Variants in SLAMF9 observed in about 807,000 individuals in gnomAD.
SLAMF9 encodes the protein CD2 family member 10.
Under a neutral mutation model 30.4 loss-of-function variants are expected in SLAMF9, and 25 were observed. The observed-to-expected ratio is 0.82, with a 90% CI of 0.60 to 1.15. The LOEUF is 1.15. Ranked by LOEUF, SLAMF9 falls within the 50% of genes most tolerant of loss-of-function variation. The probability of loss-of-function intolerance (pLI) is 0.00; values close to 1 mark genes in which losing one functional copy is unlikely to be tolerated. For missense variants in SLAMF9, 344 were observed against 346.1 expected (o/e 0.99, Z 0.05); for synonymous variants, 129 against 127.2 (o/e 1.01, Z -0.09).
the SLAMF9 span, among the ~76,000 whole-genome samples, chr1:159,982,756 C>T: frequency 3.3e-5 from 5 of 152,146 alleles, no homozygotes; most frequent in African/African-American, 7.2e-5. Flanking sequence ...CATGGCTGGG[C>T]GCGGTGGCTC....
At chr1:159,972,851 C>T in the SLAMF9 span, 1 of 955,546 alleles carries the variant, frequency 1.0e-6, no homozygotes, top group Non-Finnish European at 1.4e-6. Flanking sequence ...CTGGGACACA[C>T]ATGGGATGGG....
the SLAMF9 span, chr1:159,972,741 G>T: frequency 5.6e-6 from 2 of 358,668 alleles, no homozygotes; most frequent in South Asian, 8.9e-5. Flanking sequence ...CAGGATTGGA[G>T]GGGAGCCCCT....
At chr1:159,956,239 G>A (rs950879521), upstream of SLAMF9, among the ~76,000 whole-genome samples, 1 of 152,216 alleles carries the variant, frequency 6.6e-6, no homozygotes, top group Admixed American at 6.5e-5. Flanking sequence ...GCCAAGGCAG[G>A]AAGATCCCTT....
At chr1:159,972,701 C>T in the SLAMF9 span, 5 of 222,604 alleles carry the variant, frequency 2.2e-5, no homozygotes, top group East Asian at 1.9e-4. Flanking sequence ...GACAGATACC[C>T]AAGATCTCTC....
the SLAMF9 span, among the ~76,000 whole-genome samples, chr1:159,962,371 G>A: frequency 2.0e-5 from 3 of 152,206 alleles, no homozygotes; most frequent in South Asian, 2.1e-4. Flanking sequence ...GGCCCGGGGC[G>A]GCGGTTCACG....
Position 159,951,612 on chromosome 1 carries a change from TG to T in SLAMF9, c.*48del. On this transcript the variant is annotated 3_prime_UTR_variant, in exon 4 of 4. Transcript: ENST00000368093. The stretch of plus-strand genomic sequence containing the variant: ...AGAAGAGAGCTGAGGAAGGATTCTC[TG>T]GGTGCTGGGAAGAAACCAAGCTCAG... 3 of 1,566,348 alleles carry T rather than the reference TG, an allele frequency of 1.9e-6. No individual in the cohort carries two copies. The highest frequency in any genetic ancestry group is 1.8e-6 in the Non-Finnish European group (2 of 1,140,166).
chr1:159,969,983 A>AG, the SLAMF9 span, among the ~76,000 whole-genome samples: 4 of 152,076 alleles, frequency 2.6e-5, no homozygotes, highest in East Asian at 7.7e-4. Context: ...CCGGGGGTGA[A>AG]GGGGGAGTGG....
At chr1:159,979,023 C>T in the SLAMF9 span, 1 of 152,284 alleles carries the variant, frequency 6.6e-6, no homozygotes, top group East Asian at 1.9e-4. Flanking sequence ...TTATGAGGCA[C>T]TAAATTAGCT....
the SLAMF9 span, chr1:159,973,155 A>G: frequency 4.6e-6 from 7 of 1,532,804 alleles, no homozygotes; most frequent in Admixed American, 1.7e-5. Context: ...ATCCTTGTGG[A>G]AGGAGAAAAG....
chr1:159,967,704 A>T, the SLAMF9 span, among the ~76,000 whole-genome samples: 2 of 152,192 alleles, frequency 1.3e-5, no homozygotes, highest in East Asian at 3.8e-4. Flanking sequence ...TATGGACATT[A>T]TAACAGTATT....
At chr1:159,975,613 G>A in the SLAMF9 span, among the ~76,000 whole-genome samples, 3 of 152,056 alleles carry the variant, frequency 2.0e-5, no homozygotes, top group Non-Finnish European at 4.4e-5. Flanking sequence ...ACTTGCATTC[G>A]AGATCTGATG....
Position 159,954,123 on chromosome 1 carries a change from A to C in SLAMF9, c.15T>G (p.Pro5=). The C allele has an allele frequency of 6.2e-7, 1 of 1,614,142 alleles. No individual in the cohort carries two copies. Among genetic ancestry groups the C allele is most frequent in the Non-Finnish European group, 8.5e-7 (1 of 1,180,008 alleles). Residue 5 remains proline (P), a synonymous_variant, in exon 1 of 4, where the codon CCT becomes CCG. Transcript: ENST00000368093. MCAF[P]WLLLLLLLQE... The stretch of plus-strand genomic sequence containing the variant: ...GGAGCAGCAGGAGAAGAAGCAGCCA[A>C]GGAAAGGCACACATGTCAGCAGCCC...
At chr1:159,954,800 C>A (rs985957459), upstream of SLAMF9, among the ~76,000 whole-genome samples, 3 of 152,140 alleles carry the variant, frequency 2.0e-5, no homozygotes, top group Non-Finnish European at 4.4e-5. Context: ...GCAGTTTGGC[C>A]GGGTGCAATG....
rs1557943691 is a variant in SLAMF9, at chr1:159,954,147, C to T, written c.-10G>A. On this transcript the variant is annotated 5_prime_UTR_variant, in exon 1 of 4. Coordinates refer to ENST00000368093, the MANE Select transcript of SLAMF9 (RefSeq NM_033438.4). ...AAGGAAAGGCACACATGTCAGCAGC[C>T]CCCAGCCCCAGAGGTGTGATTCAGT... 6.2e-7 allele frequency: 1 copy of T among 1,614,072 alleles called. No homozygotes were observed. The highest frequency in any genetic ancestry group is 8.5e-7 in the Non-Finnish European group (1 of 1,179,992).
the SLAMF9 span, chr1:159,973,871 G>A: frequency 1.9e-6 from 3 of 1,612,976 alleles, no homozygotes; most frequent in South Asian, 1.1e-5. Context: ...GCCCAGTGCA[G>A]CTGTACTGGC....
chr1:159,975,281 G>A, the SLAMF9 span, among the ~76,000 whole-genome samples: 1 of 152,212 alleles, frequency 6.6e-6, no homozygotes, highest in South Asian at 2.1e-4. Context: ...AAGTGTGACA[G>A]AGGGGGCACA....
intron 1 of SLAMF9, 44 bp from the exon 2 acceptor site, chr1:159,953,697 C>T: frequency 6.5e-7 from 1 of 1,534,122 alleles, no homozygotes. Context: ...GCTGCTGTCT[C>T]TGGGCTGCTG....
chr1:159,967,333 C>G, the SLAMF9 span, among the ~76,000 whole-genome samples: 1 of 152,276 alleles, frequency 6.6e-6, no homozygotes, highest in African/African-American at 2.4e-5. Flanking sequence ...TAATTTCATT[C>G]TTCTGAATGT....
chr1:159,962,041 C>G, the SLAMF9 span, among the ~76,000 whole-genome samples: 1 of 152,062 alleles, frequency 6.6e-6, no homozygotes, highest in Non-Finnish European at 1.5e-5. Context: ...GCCTATAATG[C>G]CAGGTACCTG....
Sources: allele counts gnomAD v4.1 joint callset (sites outside exome capture counted in the v4.1 genomes callset), GRCh38; gene constraint gnomAD v4.1.1; transcripts MANE v1.5; gene names NCBI Gene and HGNC (gene_info 2026-07-23, HGNC 2026-07-21).